KCNH4: variants seen among roughly 807,000 people sequenced by gnomAD.
KCNH4 encodes the protein potassium voltage-gated channel subfamily H member 4.
Under a neutral mutation model 90.7 loss-of-function variants are expected in KCNH4, and 33 were observed. The observed-to-expected ratio is 0.36, with a 90% CI of 0.28 to 0.49. The LOEUF (loss-of-function observed/expected upper bound fraction) is 0.49. KCNH4 is among the 20% of genes least tolerant of loss of function. The pLI is 0.98. For missense variants in KCNH4, 1,044 were observed against 1,387.1 expected (o/e 0.75, Z 3.93); for synonymous variants, 551 against 581.7 (o/e 0.95, Z 0.76).
intron 16 of KCNH4, 69 bp downstream of exon 16, chr17:42,159,662 T>C (rs551050425): frequency 5.6e-6 from 1 of 179,744 alleles, no homozygotes; most frequent in African/African-American, 2.3e-5. Flanking sequence ...AGATCCTGTC[T>C]GGTCTTCCCT....
chr17:42,176,900 A>AT (rs1256217756), intron 4 of KCNH4, among the ~76,000 whole-genome samples: 1 of 150,562 alleles, frequency 6.6e-6, no homozygotes, highest in African/African-American at 2.4e-5. Context: ...TGATTTTTAC[A>AT]TTTTTAAGTT....
chr17:42,159,067 G>A (rs1304341684), intron 16 of KCNH4, among the ~76,000 whole-genome samples: 3 of 151,368 alleles, frequency 2.0e-5, no homozygotes, highest in East Asian at 2.0e-4. Flanking sequence ...TCTCACTGTC[G>A]CCCAGGCTGG....
At chr17:42,175,766 G>C (rs1377465200) in intron 5 of KCNH4, 30 bp from the exon 6 acceptor site, 1 of 1,612,920 alleles carries the variant, frequency 6.2e-7, no homozygotes, top group South Asian at 1.1e-5. Flanking sequence ...TTACTGGGGG[G>C]CCTTGGCAAA....
At position 42,176,304 on chromosome 17, in the gene KCNH4, G is replaced by T. The variant is rs368919595; in HGVS notation, c.586-7C>A. 137 of 1,609,230 alleles carry T rather than the reference G, an allele frequency of 8.5e-5. No individual in the cohort carries two copies. Among genetic ancestry groups the T allele is most frequent in the Non-Finnish European group, 1.1e-4 (125 of 1,177,224 alleles). Reference sequence around the variant, plus strand: ...GCTTTGGCTCAAACACGTTCTAAGGGGAGAGGGGTGGCGGTTGGGGACACT... The same window carrying T: ...GCTTTGGCTCAAACACGTTCTAAGGTGAGAGGGGTGGCGGTTGGGGACACT... On this transcript the variant is annotated splice_region_variant and splice_polypyrimidine_tract_variant and intron_variant, in intron 4 of 16. Transcript: ENST00000264661.
At chr17:42,176,383 T>C in intron 4 of KCNH4, 86 bp from the exon 5 acceptor site, 1 of 1,334,350 alleles carries the variant, frequency 7.5e-7, no homozygotes, top group Non-Finnish European at 1.0e-6. Flanking sequence ...ATGGGGAAAG[T>C]TAGCAGGTGG....
At chr17:42,178,267 C>T (rs918726157) in intron 3 of KCNH4, 40 bp from the exon 4 acceptor site, 1 of 1,614,124 alleles carries the variant, frequency 6.2e-7, no homozygotes, top group Non-Finnish European at 8.5e-7. Context: ...TGGGGCACAT[C>T]CCTTGCGGCT....
At position 42,173,126 on chromosome 17, in the gene KCNH4, A is replaced by G. The variant is rs562929851; in HGVS notation, c.988-1131T>C. Among the ~76,000 whole-genome samples the G allele has an allele frequency of 9.2e-5, 14 of 151,680 alleles. No homozygotes were observed. In the East Asian group the frequency reaches 2.7e-3, roughly 29 times the overall value. The stretch of plus-strand genomic sequence containing the variant: ...GTTATCAATATTGATTAGCCCTTCA[A>G]TCTTGGAGATGGGCAGGGCTTATCT... On this transcript the variant is annotated intron_variant, in intron 6 of 16. Transcript: ENST00000264661.
Position 42,176,185 on chromosome 17 carries a change from A to T in KCNH4, c.698T>A (p.Ile233Asn). ...CGCAACGTAGAAGGTGGCAAGGAGG[A>T]TAAGGCCGTCCCAGATGGCCTTGGA... Reference protein sequence around the residue: ...SVSKAIWDGLILLATFYVAVT... With the variant: ...SVSKAIWDGLNLLATFYVAVT... Residue 233 changes from isoleucine to asparagine, a missense_variant, in exon 5 of 17, where the codon ATC becomes AAC. Transcript: ENST00000264661. 6.2e-7 allele frequency: 1 copy of T among 1,613,964 alleles called. No individual in the cohort carries two copies.
chr17:42,171,099 T>G (rs377234738), intron 7 of KCNH4, among the ~76,000 whole-genome samples: 3 of 150,760 alleles, frequency 2.0e-5, no homozygotes, highest in African/African-American at 7.3e-5. Context: ...CCAGAAGGAG[T>G]GTAGTGGGTC....
At chr17:42,175,113 T>C (rs1170195437) in intron 6 of KCNH4, among the ~76,000 whole-genome samples, 1 of 152,152 alleles carries the variant, frequency 6.6e-6, no homozygotes, top group African/African-American at 2.4e-5. Flanking sequence ...CCGGGCCCCA[T>C]CTTCCACCCC....
In KCNH4 at chr17:42,163,799, A is replaced by G; in HGVS notation, c.2284T>C (p.Leu762=). Residue 762 remains leucine (L), a synonymous_variant, in exon 13 of 17, where the codon TTG becomes CTG. Transcript: ENST00000264661. This position sits in a 1 kb window ranked among gnomAD's most constrained non-coding sequence, Gnocchi z 5.4. ...ARPRGSLVSL[L]GEELPPFSAL... ...GAGAATGGGGGCAGCTCCTCGCCCAAAAGGCTGACCAGGGAGCCCCGAGGC... is the reference window on the plus strand; with the variant it reads ...GAGAATGGGGGCAGCTCCTCGCCCAGAAGGCTGACCAGGGAGCCCCGAGGC... 6.5e-7 allele frequency: 1 copy of G among 1,539,524 alleles called. No individual in the cohort carries two copies. Among genetic ancestry groups the G allele is most frequent in the Non-Finnish European group, 8.7e-7 (1 of 1,143,334 alleles).
rs759912305 is a variant in KCNH4, at chr17:42,171,804, CG to C, written c.1178del (p.Pro393ArgfsTer42). On this transcript the variant is annotated frameshift_variant, in exon 7 of 17. Coordinates refer to ENST00000264661, the MANE Select transcript of KCNH4 (RefSeq NM_012285.3). LOFTEE classifies it high-confidence loss of function. ...IGRREMEAND[P>X]LLWDIGWLHE... ...GTGGCTCACCAATGTCCCAGAGCAGCGGGTCATTGGCCTCCATCTCCCGGCG... is the reference window on the plus strand; with the variant it reads ...GTGGCTCACCAATGTCCCAGAGCAGCGGTCATTGGCCTCCATCTCCCGGCG... 6.2e-7 allele frequency: 1 copy of C among 1,614,000 alleles called. No homozygotes were observed. The highest frequency in any genetic ancestry group is 1.7e-5 in the Admixed American group (1 of 59,990).
In KCNH4 at chr17:42,180,877, G is replaced by T. The variant is rs765535265; in HGVS notation, c.69C>A (p.Asp23Glu). The T allele has an allele frequency of 1.2e-6, 2 of 1,613,730 alleles. No individual in the cohort carries two copies. The highest frequency in any genetic ancestry group is 4.5e-5 in the East Asian group (2 of 44,814). Residue 23 changes from aspartate to glutamate, a missense_variant, in exon 1 of 17, where the codon GAC becomes GAA. Coordinates refer to ENST00000264661, the MANE Select transcript of KCNH4 (RefSeq NM_012285.3). This position sits in a 1 kb window ranked among gnomAD's most constrained non-coding sequence, Gnocchi z 4.7. Reference sequence around the variant, plus strand: ...GACCTCCGTCCCACTCACGCGTTCCGTCAAAACGGGTGGCGATGGTGTCCA... The same window carrying T: ...GACCTCCGTCCCACTCACGCGTTCCTTCAAAACGGGTGGCGATGGTGTCCA... ...TFLDTIATRFDGTHSNFLLAN... is the reference protein window; with the variant it reads ...TFLDTIATRFEGTHSNFLLAN...
chr17:42,163,133 A>C lies in KCNH4; in HGVS notation c.2584+95T>G. 2.3e-6 allele frequency: 2 copies of C among 856,200 alleles called. No individual in the cohort carries two copies. The allele number at this position is 856,200 out of a possible 1,614,324, so 53.0% of individuals were successfully genotyped here. A position where few individuals can be genotyped will look rare whatever the true frequency, so the allele number is the denominator to read the frequency against. ...TTTATCTGTGTATTCCCAGGATGGC[A>C]CCTGGCACATGGTAGGCCCCTACTA... is the stretch of plus-strand genomic sequence containing the variant. On this transcript the variant is annotated intron_variant, in intron 14 of 16. Coordinates refer to ENST00000264661, the MANE Select transcript of KCNH4 (RefSeq NM_012285.3). The surrounding 1 kb of genome is among the most constrained non-coding windows in gnomAD (Gnocchi z 5.4).
chr17:42,169,707 C>T (rs116859349), intron 8 of KCNH4, 31 bp from the exon 9 acceptor site: 38,394 of 1,605,034 alleles, frequency 0.024, 510 homozygotes, highest in South Asian at 0.036. Flanking sequence ...CTGTCAGGGG[C>T]GGCCACCCCT....
chr17:42,173,627 T>G (rs373985493), intron 6 of KCNH4, among the ~76,000 whole-genome samples: 20 of 148,728 alleles, frequency 1.3e-4, no homozygotes, highest in African/African-American at 4.7e-4. Flanking sequence ...TCAGGGGCCC[T>G]GGTTACCTGG....
At chr17:42,157,441 C>T (rs2079717102) in intron 16 of KCNH4, among the ~76,000 whole-genome samples, 1 of 152,052 alleles carries the variant, frequency 6.6e-6, no homozygotes, top group Non-Finnish European at 1.5e-5. Context: ...AAATTTCAAA[C>T]AAGGGAAGCT....
rs773211264 is a variant in KCNH4 at position 42,163,887 on chromosome 17, C to T, written c.2196G>A (p.Ala732=). 2.6e-5 allele frequency: 40 copies of T among 1,540,646 alleles called. No homozygotes were observed. The highest frequency in any genetic ancestry group is 2.0e-4 in the South Asian group (17 of 83,056). The change falls in exon 13 of 17, where the codon GCG becomes GCA. Residue 732 remains alanine, a synonymous_variant. Coordinates refer to ENST00000264661, the MANE Select transcript of KCNH4 (RefSeq NM_012285.3). The surrounding 1 kb of genome is among the most constrained non-coding windows in gnomAD (Gnocchi z 5.4). ...LPSITEAESG[A]EPGGGPRPRR... ...GGGGCCTGGGACCACCCCCAGGCTC[C>T]GCGCCACTCTCGGCCTCTGTGATGG...
chr17:42,161,947 T>G (rs912885265), intron 15 of KCNH4, among the ~76,000 whole-genome samples: 7 of 146,734 alleles, frequency 4.8e-5, no homozygotes, highest in African/African-American at 1.8e-4. Context: ...CGTGAATATC[T>G]CTCTCTTTTT....
Sources: gnomAD v4.1 joint callset for allele counts (sites outside exome capture counted in the v4.1 genomes callset) on GRCh38, gnomAD v4.1.1 for gene constraint, Gnocchi (gnomAD v3.1) non-coding constraint, MANE v1.5 for transcripts, NCBI Gene and HGNC (gene_info 2026-07-23, HGNC 2026-07-21) for gene names.